Variants in DENND3 observed in about 807,000 individuals in gnomAD.
The protein encoded by DENND3 is DENN domain containing 3.
Under a neutral mutation model 135.1 loss-of-function variants are expected in DENND3, and 88 were observed. The ratio of observed to expected loss-of-function variants is 0.65; its 90% CI spans 0.55 to 0.78. The LOEUF (loss-of-function observed/expected upper bound fraction) is 0.78, where lower values mean the gene tolerates loss of function less well. Ranked by LOEUF, DENND3 falls within the 30% of genes least tolerant of loss-of-function variation. The pLI is 0.00. For synonymous variants in DENND3, 693 were observed against 712.3 expected (o/e 0.97, Z 0.43); for missense variants, 1,392 against 1,688.4 (o/e 0.82, Z 3.08).
rs748889236 is a variant in DENND3 at position 141,194,012 on chromosome 8, C to T, written c.3637-21C>T. On this transcript the variant is annotated intron_variant, in intron 22 of 22. Transcript: ENST00000519811. ...GGAGGGGCTTCTTTCCCTGCTGACC[C>T]CTCCCGTTTCTCCCTGGCAGGTCTG... The T allele has an allele frequency of 1.4e-5, 23 of 1,610,940 alleles. No homozygotes were observed. The South Asian group carries it at 2.5e-4, about 18-fold the overall frequency.
rs552342254 is a variant in DENND3, at chr8:141,153,901, A to G, written c.1075-1948A>G. On this transcript the variant is annotated intron_variant, in intron 7 of 22. Coordinates refer to ENST00000519811, the MANE Select transcript of DENND3 (RefSeq NM_001352890.3). ...CCTTTGAGGCACTCACCTGTTGGGA[A>G]AGATTTCAGGAGAGGCAGCTGCTCT... Among the ~76,000 whole-genome samples the G allele has an allele frequency of 2.6e-5, 4 of 152,274 alleles. No homozygotes were observed. The South Asian group carries it at 6.2e-4, about 24-fold the overall frequency.
At chr8:141,170,563 TG>T (rs1381431330) in intron 13 of DENND3, among the ~76,000 whole-genome samples, 1 of 152,174 alleles carries the variant, frequency 6.6e-6, no homozygotes, top group African/African-American at 2.4e-5. Flanking sequence ...TGGTCCCAGT[TG>T]TGGAGTCCGA....
Position 141,151,515 on chromosome 8 carries a change from C to T in DENND3, c.856-104C>T, listed in dbSNP as rs1316270179. Reference sequence around the variant, plus strand: ...GTTCGAGGCTGCAGTGAGCTATGATCACACCACTGCACTCCAGCCTGGGCT... The same window carrying T: ...GTTCGAGGCTGCAGTGAGCTATGATTACACCACTGCACTCCAGCCTGGGCT... On this transcript the variant is annotated intron_variant, in intron 6 of 22. Coordinates refer to ENST00000519811, the MANE Select transcript of DENND3 (RefSeq NM_001352890.3). 4.6e-6 allele frequency: 5 copies of T among 1,089,880 alleles called. No individual in the cohort carries two copies. The African/African-American group carries it at 7.9e-5, about 17-fold the overall frequency. The allele number at this position is 1,089,880 out of a possible 1,614,324, so 67.5% of individuals were successfully genotyped here.
chr8:141,150,235 C>A (rs1237362714), intron 5 of DENND3: 4 of 1,034,000 alleles, frequency 3.9e-6, no homozygotes, highest in East Asian at 6.7e-5. Flanking sequence ...GGCTCAGAAG[C>A]CCTCCCTCAG....
rs778461221 is a variant in DENND3, at chr8:141,138,004, G to C, written c.386-18G>C. On this transcript the variant is annotated intron_variant, in intron 2 of 22. Transcript: ENST00000519811. This position sits in a 1 kb window ranked among gnomAD's most constrained non-coding sequence, Gnocchi z 4.8. ...CTTGGCAAGAACAGGATTCTTCTCT[G>C]TCTCTTTCTGCCTGCAGGGGGTGTG... 6.3e-7 allele frequency: 1 copy of C among 1,575,928 alleles called. No homozygotes were observed. The highest frequency in any genetic ancestry group is 1.8e-5 in the Admixed American group (1 of 54,484).
At position 141,167,476 on chromosome 8, in the gene DENND3, A is replaced by C. The variant is rs1820957655; in HGVS notation, c.1754-528A>C. Among the ~76,000 whole-genome samples, 1 of 152,166 alleles carries C rather than the reference A, an allele frequency of 6.6e-6. No homozygotes were observed. Among genetic ancestry groups the C allele is most frequent in the African/African-American group, 2.4e-5 (1 of 41,434 alleles). On this transcript the variant is annotated intron_variant, in intron 12 of 22. Transcript: ENST00000519811. This position sits in a 1 kb window ranked among gnomAD's most constrained non-coding sequence, Gnocchi z 4.1. ...CCTGGAGGGCCCTTAGGTAACATCT[A>C]TAGAAGGAGTTGGTGTGAGACACAC...
At chr8:141,185,004 T>A in intron 17 of DENND3, 135 bp from the exon 18 acceptor site, 1 of 1,171,932 alleles carries the variant, frequency 8.5e-7, no homozygotes, top group Admixed American at 2.4e-5. Flanking sequence ...CCTGGGCACG[T>A]CTTTGTACGT....
chr8:141,161,204 C>T (rs1430609197), intron 9 of DENND3, among the ~76,000 whole-genome samples: 3 of 152,196 alleles, frequency 2.0e-5, no homozygotes, highest in Non-Finnish European at 4.4e-5. Flanking sequence ...GGCTCTGGCT[C>T]AGTCCGTGGA....
At chr8:141,185,361 T>G in intron 18 of DENND3, 83 bp downstream of exon 18, 1 of 1,570,008 alleles carries the variant, frequency 6.4e-7, no homozygotes, top group African/African-American at 1.3e-5. Flanking sequence ...TATTCGACAG[T>G]AGGATACAAG....
rs1816885839 is a variant in DENND3, at chr8:141,137,210, C to T, written c.385+419C>T. 6.6e-6 allele frequency among the ~76,000 whole-genome samples: 1 copy of T among 152,076 alleles called. No individual in the cohort carries two copies. Among genetic ancestry groups the T allele is most frequent in the Non-Finnish European group, 1.5e-5 (1 of 68,010 alleles). ...GGCCAGGCTGGTCTTGAACTCTTGG[C>T]CTCAAGTGATCCACCTGCCTTAGCC... On this transcript the variant is annotated intron_variant, in intron 2 of 22. Transcript: ENST00000519811. This position sits in a 1 kb window ranked among gnomAD's most constrained non-coding sequence, Gnocchi z 4.1.
At position 141,130,734 on chromosome 8, in the gene DENND3, TG is replaced by T. The variant is rs1815958385; in HGVS notation, c.102+1927del. 6.6e-6 allele frequency among the ~76,000 whole-genome samples: 1 copy of T among 151,800 alleles called. No individual in the cohort carries two copies. ...CAGAGTTTTGCTCTGTTGCCCAGGATGGAGTGCCATGGTGCAATCTCGGCTC... is the reference window on the plus strand; with the variant it reads ...CAGAGTTTTGCTCTGTTGCCCAGGATGAGTGCCATGGTGCAATCTCGGCTC... On this transcript the variant is annotated intron_variant, in intron 1 of 22. Transcript: ENST00000519811. The surrounding 1 kb of genome is among the most constrained non-coding windows in gnomAD (Gnocchi z 4.2).
chr8:141,177,957 C>T, intron 15 of DENND3, 110 bp from the exon 16 acceptor site: 1 of 1,376,326 alleles, frequency 7.3e-7, no homozygotes, highest in Non-Finnish European at 9.6e-7. Flanking sequence ...CTTCATGTCA[C>T]TTTGGAAAAA....
intron 13 of DENND3, among the ~76,000 whole-genome samples, chr8:141,171,104 G>A (rs577540194): frequency 1.3e-5 from 2 of 152,252 alleles, no homozygotes; most frequent in African/African-American, 4.8e-5. Flanking sequence ...TTACGTTGCC[G>A]ATTAGGTTAG....
chr8:141,130,931 C>T lies in DENND3; in HGVS notation c.102+2122C>T, dbSNP rs551245566. 3.3e-4 allele frequency among the ~76,000 whole-genome samples: 51 copies of T among 152,244 alleles called. No homozygotes were observed. Among genetic ancestry groups the T allele is most frequent in the African/African-American group, 9.1e-4 (38 of 41,546 alleles). On this transcript the variant is annotated intron_variant, in intron 1 of 22. Transcript: ENST00000519811. This position sits in a 1 kb window ranked among gnomAD's most constrained non-coding sequence, Gnocchi z 4.2. ...CAAACTCCTGACCTCACGATCTGCC[C>T]GCCTCGGCCTCCCAAAGTGTTGGGA...
At position 141,167,552 on chromosome 8, in the gene DENND3, G is replaced by A. The variant is rs916318586; in HGVS notation, c.1754-452G>A. 2.6e-5 allele frequency among the ~76,000 whole-genome samples: 4 copies of A among 152,190 alleles called. No homozygotes were observed. The highest frequency in any genetic ancestry group is 4.4e-5 in the Non-Finnish European group (3 of 68,034). On this transcript the variant is annotated intron_variant, in intron 12 of 22. Coordinates refer to ENST00000519811, the MANE Select transcript of DENND3 (RefSeq NM_001352890.3). This position sits in a 1 kb window ranked among gnomAD's most constrained non-coding sequence, Gnocchi z 4.1. ...CTTAGTCGCTGTGTACCTGGGACAA[G>A]TAACCCAGGCTGTGGAAGCCTCGGT...
chr8:141,170,442 C>T (rs993256973), intron 13 of DENND3, among the ~76,000 whole-genome samples: 7 of 151,978 alleles, frequency 4.6e-5, no homozygotes, highest in Middle Eastern at 3.2e-3. Context: ...TGCGTGTGTG[C>T]GCGCGCTGTA....
intron 15 of DENND3, chr8:141,177,094 C>T (rs762609620): frequency 4.1e-5 from 11 of 267,946 alleles, no homozygotes; most frequent in Admixed American, 1.5e-4. Context: ...TGTCCACACC[C>T]GCAGGCCGGA....
At chr8:141,188,819 T>C in intron 18 of DENND3, 167 bp from the exon 19 acceptor site, 1 of 769,978 alleles carries the variant, frequency 1.3e-6, no homozygotes, top group African/African-American at 1.8e-5. Flanking sequence ...CACTGATGGG[T>C]GGATGACAAC....
At chr8:141,172,298 T>C (rs1821721714) in intron 13 of DENND3, among the ~76,000 whole-genome samples, 1 of 151,754 alleles carries the variant, frequency 6.6e-6, no homozygotes, top group Non-Finnish European at 1.5e-5. Context: ...ACTGTCTTGT[T>C]CTGCTGCAGT....
Sources: allele counts gnomAD v4.1 joint callset (sites outside exome capture counted in the v4.1 genomes callset), GRCh38; gene constraint gnomAD v4.1.1; non-coding constraint Gnocchi (gnomAD v3.1); transcripts MANE v1.5; gene names NCBI Gene and HGNC (gene_info 2026-07-23, HGNC 2026-07-21).